The following SEC16A variants were observed in gnomAD, a reference collection of about 807,000 sequenced individuals.
SEC16A encodes protein transport protein Sec16A.
Under a neutral mutation model 221.9 loss-of-function variants are expected in SEC16A, and 110 were observed. That is an observed-to-expected ratio of 0.50 (90% CI 0.42 to 0.58). The LOEUF is 0.58. SEC16A is among the 20% of genes least tolerant of loss of function. The pLI is 0.00. For missense variants in SEC16A, 3,165 were observed against 3,097.8 expected (o/e 1.02, Z -0.52); for synonymous variants, 1,393 against 1,257.7 (o/e 1.11, Z -2.28).
chr9:136,443,228 C>T (rs993919473), intron 31 of SEC16A, among the ~76,000 whole-genome samples: 1 of 120,042 alleles, frequency 8.3e-6, no homozygotes, highest in East Asian at 2.0e-4. Context: ...GGCCTCGTGT[C>T]GACAGAGCTC....
chr9:136,457,626 T>C (rs1215720536), intron 17 of SEC16A, 42 bp from the exon 18 acceptor site: 1 of 1,585,062 alleles, frequency 6.3e-7, no homozygotes, highest in Non-Finnish European at 8.6e-7. Flanking sequence ...CTCCCCCGCG[T>C]CCGAGCATCG....
chr9:136,457,365 C>G, intron 18 of SEC16A, 79 bp downstream of exon 18: 1 of 1,486,138 alleles, frequency 6.7e-7, no homozygotes, highest in Non-Finnish European at 9.1e-7. Context: ...CATCGCTACC[C>G]CCATGCCCGG....
At chr9:136,445,838 G>C (rs1836899756) in intron 28 of SEC16A, 119 bp from the exon 29 acceptor site, 1 of 861,098 alleles carries the variant, frequency 1.2e-6, no homozygotes, top group African/African-American at 1.7e-5. Context: ...TCCACGTAAA[G>C]TGCTCCTCAG....
At chr9:136,458,545 G>A (rs1479152880) in intron 17 of SEC16A, among the ~76,000 whole-genome samples, 2 of 151,678 alleles carry the variant, frequency 1.3e-5, no homozygotes, top group South Asian at 2.1e-4. Context: ...GGAGAATGGC[G>A]TGAACTCAGA....
intron 17 of SEC16A, among the ~76,000 whole-genome samples, chr9:136,457,846 C>G (rs965964130): frequency 8.5e-5 from 13 of 152,366 alleles, no homozygotes; most frequent in African/African-American, 3.1e-4. Flanking sequence ...CCCCCCAACC[C>G]CTTTCATGGG....
chr9:136,476,735 T>C lies in SEC16A; in HGVS notation c.881A>G (p.Asn294Ser), dbSNP rs1841692380. ...SHLQSGSHLA[N>S]NSDPESTFRQ... is the part of the protein sequence containing the mutation. ...GAATGTACTTTCAGGATCAGAGTTATTGGCCAGGTGGCTTCCACTTTGCAA... is the reference window on the plus strand; with the variant it reads ...GAATGTACTTTCAGGATCAGAGTTACTGGCCAGGTGGCTTCCACTTTGCAA... Residue 294 changes from asparagine to serine, a missense_variant, in exon 3 of 32, where the codon AAT becomes AGT. Physicochemically the swap from Asn to Ser is conservative, Grantham distance 46 (BLOSUM62 1). This residue lies in a region of SEC16A where 2,030 missense variants were observed against 1,923.1 expected (regional missense o/e 1.06). Transcript: ENST00000684901. The C allele has an allele frequency of 6.2e-7, 1 of 1,605,998 alleles. No homozygotes were observed. The highest frequency in any genetic ancestry group is 8.5e-7 in the Non-Finnish European group (1 of 1,174,936).
chr9:136,483,465 C>T, upstream of SEC16A: 3 of 939,190 alleles, frequency 3.2e-6, no homozygotes, highest in Non-Finnish European at 3.8e-6. Flanking sequence ...CCGTCCTTCC[C>T]CGCCCGTGGC....
At chr9:136,450,507 T>C (rs1837640861) in intron 23 of SEC16A, among the ~76,000 whole-genome samples, 1 of 150,400 alleles carries the variant, frequency 6.6e-6, no homozygotes. Flanking sequence ...GATAGAGACT[T>C]GAACAAGCAC....
intron 23 of SEC16A, among the ~76,000 whole-genome samples, chr9:136,450,905 A>G (rs7867342): frequency 2.7e-4 from 41 of 152,166 alleles, no homozygotes; most frequent in African/African-American, 9.7e-4. Flanking sequence ...AAGCAGTCCC[A>G]AAGTCCACGG....
At position 136,475,289 on chromosome 9, in the gene SEC16A, G is replaced by A. The variant is rs1194426219; in HGVS notation, c.2327C>T (p.Ala776Val). 1.7e-5 allele frequency: 27 copies of A among 1,613,220 alleles called. No homozygotes were observed. Among genetic ancestry groups the A allele is most frequent in the Non-Finnish European group, 2.0e-5 (24 of 1,179,740 alleles). ...SGQQSRNPSS[A>V]APVQSRGGIG... Reference sequence around the variant, plus strand: ...GCCACCTCGGCTCTGCACCGGGGCCGCCGAGCTTGGGTTCCGTGACTGCTG... The same window carrying A: ...GCCACCTCGGCTCTGCACCGGGGCCACCGAGCTTGGGTTCCGTGACTGCTG... Residue 776 changes from alanine to valine, a missense_variant, in exon 3 of 32, where the codon GCG becomes GTG. Physicochemically the swap from Ala to Val is moderately conservative, Grantham distance 64. Transcript: ENST00000684901. The surrounding 1 kb of genome is among the most constrained non-coding windows in gnomAD (Gnocchi z 5.0).
rs1323373480 is a variant in SEC16A, at chr9:136,459,483, T to C, written c.5264A>G (p.Lys1755Arg). 3 of 1,608,382 alleles carry C rather than the reference T, an allele frequency of 1.9e-6. No individual in the cohort carries two copies. The highest frequency in any genetic ancestry group is 2.2e-5 in the East Asian group (1 of 44,744). Reference protein sequence around the residue: ...MAQAGFGVYTKKTTKLVLIGS... With the variant: ...MAQAGFGVYTRKTTKLVLIGS... ...GATTAAGACAAGCTTTGTAGTTTTC[T>C]TCGTGTAAACACCAAATCCCGCCTG... The change falls in exon 16 of 32, where the codon AAG becomes AGG. Residue 1755 changes from lysine (K) to arginine (R), a missense_variant. Transcript: ENST00000684901. The surrounding 1 kb of genome is among the most constrained non-coding windows in gnomAD (Gnocchi z 6.1).
intron 3 of SEC16A, among the ~76,000 whole-genome samples, chr9:136,472,406 T>A (rs931427293): frequency 4.6e-5 from 7 of 152,218 alleles, no homozygotes; most frequent in Non-Finnish European, 8.8e-5. Flanking sequence ...GACCTCTGGA[T>A]GGACCCAGGG....
At chr9:136,453,077 A>G (rs2132054462) in intron 22 of SEC16A, among the ~76,000 whole-genome samples, 1 of 98,174 alleles carries the variant, frequency 1.0e-5, no homozygotes, top group South Asian at 2.7e-4. Flanking sequence ...CTCAAAAAAA[A>G]AAAAAAGAAA....
intron 1 of SEC16A, among the ~76,000 whole-genome samples, chr9:136,481,735 T>C (rs1476949600): frequency 6.6e-6 from 1 of 152,190 alleles, no homozygotes; most frequent in African/African-American, 2.4e-5. Context: ...TCCCTCACGG[T>C]GGCTGCTAGT....
In SEC16A at chr9:136,465,944, G is replaced by C; in HGVS notation, c.4303+18C>G. 1.2e-6 allele frequency: 2 copies of C among 1,610,590 alleles called. No homozygotes were observed. Among genetic ancestry groups the C allele is most frequent in the South Asian group, 1.1e-5 (1 of 90,956 alleles). On this transcript the variant is annotated intron_variant, in intron 8 of 31. Coordinates refer to ENST00000684901, the MANE Select transcript of SEC16A (RefSeq NM_014866.2). ...CAGTGGGGTTAGCCGGTATCCCTCT[G>C]TCCTGCTGAGCACACACCTTGCTCC...
chr9:136,482,785 G>A (rs1312625743), intron 1 of SEC16A, among the ~76,000 whole-genome samples, 153 bp downstream of exon 1: 1 of 151,904 alleles, frequency 6.6e-6, no homozygotes, highest in East Asian at 1.9e-4. Context: ...CCCCTCGACC[G>A]GCCCCGGCGG....
At chr9:136,449,616 G>A (rs1404273633) in intron 23 of SEC16A, among the ~76,000 whole-genome samples, 1 of 152,202 alleles carries the variant, frequency 6.6e-6, no homozygotes, top group African/African-American at 2.4e-5. Flanking sequence ...GGTGACAGGT[G>A]TGAGCCGCCA....
chr9:136,443,776 T>C (rs1212305242), intron 31 of SEC16A, 47 bp downstream of exon 31: 1 of 1,444,016 alleles, frequency 6.9e-7, no homozygotes, highest in South Asian at 1.2e-5. Flanking sequence ...GGTCAGGTCG[T>C]CAGTGGGCGT....
Position 136,459,288 on chromosome 9 carries a change from G to A in SEC16A, c.5304-49C>T. 6.4e-7 allele frequency: 1 copy of A among 1,557,768 alleles called. No homozygotes were observed. Among genetic ancestry groups the A allele is most frequent in the Non-Finnish European group, 8.8e-7 (1 of 1,131,774 alleles). On this transcript the variant is annotated intron_variant, in intron 16 of 31. Coordinates refer to ENST00000684901, the MANE Select transcript of SEC16A (RefSeq NM_014866.2). The surrounding 1 kb of genome is among the most constrained non-coding windows in gnomAD (Gnocchi z 6.1). ...GATTTGGAAAAAATGGCCAATTATT[G>A]GCATAGTCAACCTTGGAGCAAATCA...
Sources: allele counts gnomAD v4.1 joint callset (sites outside exome capture counted in the v4.1 genomes callset), GRCh38; gene constraint gnomAD v4.1.1; regional missense constraint gnomAD v4.1.1; non-coding constraint Gnocchi (gnomAD v3.1); transcripts MANE v1.5; gene names NCBI Gene and HGNC (gene_info 2026-07-23, HGNC 2026-07-21).